ABHD4: variants seen among roughly 807,000 people sequenced by gnomAD.
ABHD4 encodes the protein (Lyso)-N-acylphosphatidylethanolamine lipase.
A neutral mutation model predicts 42.3 loss-of-function variants in ABHD4; 35 were observed. The observed-to-expected ratio is 0.83, with a 90% confidence interval of 0.63 to 1.10. The LOEUF (loss-of-function observed/expected upper bound fraction) is 1.10, where lower values mean the gene tolerates loss of function less well. ABHD4 is among the 50% of genes least tolerant of loss of function. The pLI is 0.00. For synonymous variants in ABHD4, 169 were observed against 170.6 expected, an observed-to-expected ratio of 0.99 and a Z score of 0.07; for missense variants, 389 against 454.8, an observed-to-expected ratio of 0.86 and a Z score of 1.32.
At chr14:22,605,815 C>T (rs2037342879) in intron 4 of ABHD4, 1 of 1,288,986 alleles carries the variant, frequency 7.8e-7, no homozygotes, top group South Asian at 1.2e-5. Flanking sequence ...AGAGAGAGAT[C>T]AGGGATCAGA....
intron 5 of ABHD4, 61 bp downstream of exon 5, chr14:22,606,594 C>A: frequency 8.5e-7 from 1 of 1,172,754 alleles, no homozygotes; most frequent in Non-Finnish European, 1.2e-6. Flanking sequence ...AAACTCTTAG[C>A]TGCTGGAGTT....
intron 4 of ABHD4, among the ~76,000 whole-genome samples, chr14:22,605,286 A>C (rs2139267970): frequency 6.6e-6 from 1 of 152,328 alleles, no homozygotes; most frequent in African/African-American, 2.4e-5. Flanking sequence ...AGAAAAGTGC[A>C]ATCTTTTCCA....
At position 22,603,550 on chromosome 14, in the gene ABHD4, G is replaced by T. The variant is rs753066728; in HGVS notation, c.273G>T (p.Leu91=). 6.2e-7 allele frequency: 1 copy of T among 1,614,162 alleles called. No individual in the cohort carries two copies. ...VGLWILNMDS[L]SARRTLHTFD... ...TCTGGATCCTCAACATGGACTCACT[G>T]AGTGCCCGCCGCACACTGCACACCT... Residue 91 remains leucine, a synonymous_variant, in exon 3 of 7, where the codon CTG becomes CTT. Transcript: ENST00000428304.
At chr14:22,605,446 GA>G (rs1167609554) in intron 4 of ABHD4, among the ~76,000 whole-genome samples, 8 of 152,038 alleles carry the variant, frequency 5.3e-5, no homozygotes, top group East Asian at 1.9e-4. Context: ...TCCAGATAAA[GA>G]AAAAAAGCAT....
chr14:22,604,571 C>G (rs2074701362), intron 4 of ABHD4, among the ~76,000 whole-genome samples: 1 of 133,680 alleles, frequency 7.5e-6, no homozygotes, highest in African/African-American at 2.9e-5. Context: ...TGTATTTTTT[C>G]TCTTCATCGG....
At chr14:22,602,661 G>C (rs1176317878) in intron 2 of ABHD4, among the ~76,000 whole-genome samples, 1 of 152,208 alleles carries the variant, frequency 6.6e-6, no homozygotes, top group African/African-American at 2.4e-5. Context: ...GGGGTTGGTG[G>C]TGTCACTACC....
rs534331337 is a variant in ABHD4 at position 22,600,986 on chromosome 14, G to A, written c.24-681G>A. Among the ~76,000 whole-genome samples, 6 of 152,262 alleles carry A rather than the reference G, an allele frequency of 3.9e-5. No individual in the cohort carries two copies. In the East Asian group the frequency reaches 1.2e-3, roughly 29 times the overall value. Reference sequence around the variant, plus strand: ...TGTGTTACCGCATGTCATTAGAGGTGAGGACATAGGTGAGCTTTCTACTCA... The same window carrying A: ...TGTGTTACCGCATGTCATTAGAGGTAAGGACATAGGTGAGCTTTCTACTCA... On this transcript the variant is annotated intron_variant, in intron 1 of 6. Transcript: ENST00000428304.
In ABHD4 at chr14:22,609,885, G is replaced by A. The variant is rs796646805; in HGVS notation, c.914G>A (p.Arg305Gln). The change falls in exon 6 of 7, where the codon CGG becomes CAG. Residue 305 changes from arginine (R) to glutamine (Q), a missense_variant. Arg to Gln is a conservative substitution (Grantham distance 43). Transcript: ENST00000428304. Reference protein sequence around the residue: ...TSTGKKVKMQRPDSYVRDMEI... With the variant: ...TSTGKKVKMQQPDSYVRDMEI... ...ACGGGAAAAAAGGTGAAGATGCAGC[G>A]GCCGGATTCCTATGTCCGAGACATG... 12 of 1,613,994 alleles carry A rather than the reference G, an allele frequency of 7.4e-6. No individual in the cohort carries two copies. The highest frequency in any genetic ancestry group is 2.7e-5 in the African/African-American group (2 of 74,982).
intron 2 of ABHD4, among the ~76,000 whole-genome samples, chr14:22,602,845 T>C (rs539984329): frequency 2.6e-5 from 4 of 152,284 alleles, no homozygotes; most frequent in African/African-American, 9.6e-5. Context: ...TCAAAACTAC[T>C]GCAATAGGGG....
At chr14:22,609,642 T>C (rs1384755255) in intron 5 of ABHD4, 82 bp from the exon 6 acceptor site, 3 of 1,450,360 alleles carry the variant, frequency 2.1e-6, no homozygotes, top group Non-Finnish European at 2.8e-6. Context: ...CAAAGGTGAC[T>C]AAGATTCTGC....
At chr14:22,609,206 C>G (rs1316434791) in intron 5 of ABHD4, among the ~76,000 whole-genome samples, 1 of 152,112 alleles carries the variant, frequency 6.6e-6, no homozygotes, top group African/African-American at 2.4e-5. Context: ...CCATGTTGGC[C>G]AGGCTGGTCT....
At chr14:22,601,524 T>A (rs968359830) in intron 1 of ABHD4, 143 bp from the exon 2 acceptor site, 1 of 690,384 alleles carries the variant, frequency 1.4e-6, no homozygotes, top group Admixed American at 2.4e-5. Flanking sequence ...GCTAGGGAAC[T>A]GCTGCCTGCC....
intron 5 of ABHD4, among the ~76,000 whole-genome samples, chr14:22,607,734 C>T (rs1374444800): frequency 6.6e-6 from 1 of 152,236 alleles, no homozygotes; most frequent in Non-Finnish European, 1.5e-5. Flanking sequence ...GCCCTTTCCC[C>T]AGAACTTTCC....
At position 22,611,935 on chromosome 14, in the gene ABHD4, C is replaced by T. The variant is rs904923738; in HGVS notation, c.*987C>T. On this transcript the variant is annotated 3_prime_UTR_variant, in exon 7 of 7. Coordinates refer to ENST00000428304, the MANE Select transcript of ABHD4 (RefSeq NM_022060.3). ...GAGAGGGTGGAAAGGCCCTTCAGCC[C>T]CAGGGCCATGTCTGGGTTCTCCATG... The T allele has an allele frequency of 6.5e-6, 1 of 152,906 alleles. No individual in the cohort carries two copies. Among genetic ancestry groups the T allele is most frequent in the Middle Eastern group, 3.1e-3 (1 of 318 alleles). The allele number at this position is 152,906 out of a possible 1,614,324, so 9.5% of individuals were successfully genotyped here.
intron 5 of ABHD4, chr14:22,609,514 TG>T (rs113956089): frequency 0.034 from 17,818 of 531,144 alleles, 1,234 homozygotes; most frequent in African/African-American, 0.21. Context: ...CGTACTGCCA[TG>T]GGGTTTTTCA....
At position 22,609,363 on chromosome 14, in the gene ABHD4, A is replaced by T. The variant is rs112549035; in HGVS notation, c.753-361A>T. On this transcript the variant is annotated intron_variant, in intron 5 of 6. Coordinates refer to ENST00000428304, the MANE Select transcript of ABHD4 (RefSeq NM_022060.3). Reference sequence around the variant, plus strand: ...GTTACTTAATGCCTACCTCCCTAACACATGAGCTAAAGTGTGTGAGCTCCA... The same window carrying T: ...GTTACTTAATGCCTACCTCCCTAACTCATGAGCTAAAGTGTGTGAGCTCCA... Among the ~76,000 whole-genome samples, 795 of 152,248 alleles carry T rather than the reference A, an allele frequency of 5.2e-3. 9 individuals carry two copies. The highest frequency in any genetic ancestry group is 0.018 in the African/African-American group (756 of 41,538).
chr14:22,610,901 C>T lies in ABHD4; in HGVS notation c.982C>T (p.His328Tyr). 6.2e-7 allele frequency: 1 copy of T among 1,614,154 alleles called. No homozygotes were observed. The change falls in exon 7 of 7, where the codon CAC becomes TAC. Residue 328 changes from histidine (H) to tyrosine (Y), a missense_variant. Transcript: ENST00000428304. ...CCACCATGTCTATGCTGACCAGCCA[C>T]ACATCTTCAATGCTGTGGTGGAGGA... ...ASHHVYADQP[H>Y]IFNAVVEEIC...
rs543486764 is a variant in ABHD4, at chr14:22,601,223, C to T, written c.24-444C>T. Among the ~76,000 whole-genome samples, 26 of 152,308 alleles carry T rather than the reference C, an allele frequency of 1.7e-4. No homozygotes were observed. The South Asian group carries it at 5.0e-3, about 29-fold the overall frequency. On this transcript the variant is annotated intron_variant, in intron 1 of 6. Transcript: ENST00000428304. ...GGGCATACATAAACACCAACCAGTG[C>T]CCTGCCAGTAGGGCAGATGGCATGG...
chr14:22,609,072 A>T (rs2037380786), intron 5 of ABHD4, among the ~76,000 whole-genome samples: 1 of 151,850 alleles, frequency 6.6e-6, no homozygotes, highest in African/African-American at 2.4e-5. Context: ...ATCTTGGCTC[A>T]CTGCAACCTC....
Sources: allele counts gnomAD v4.1 joint callset (sites outside exome capture counted in the v4.1 genomes callset), GRCh38; gene constraint gnomAD v4.1.1; transcripts MANE v1.5; gene names NCBI Gene and HGNC (gene_info 2026-07-23, HGNC 2026-07-21).